TCERG1L: variants seen among roughly 807,000 people sequenced by gnomAD.
The protein encoded by TCERG1L is transcription elongation regulator 1-like protein.
A neutral mutation model predicts 56.3 loss-of-function variants in TCERG1L; 37 were observed. That is an observed-to-expected ratio of 0.66 (90% CI 0.51 to 0.87). TCERG1L has a LOEUF of 0.87. Ranked by LOEUF, TCERG1L falls within the 40% of genes least tolerant of loss-of-function variation. The pLI is 0.00. For missense variants in TCERG1L, 799 were observed against 774.2 expected, an observed-to-expected ratio of 1.03 and a Z score of -0.38; for synonymous variants, 324 against 326.3, an observed-to-expected ratio of 0.99 and a Z score of 0.08.
At chr10:131,238,866 T>C (rs1845942590) in intron 4 of TCERG1L, among the ~76,000 whole-genome samples, 2 of 152,198 alleles carry the variant, frequency 1.3e-5, no homozygotes, top group Non-Finnish European at 2.9e-5. Flanking sequence ...AGGTACACCG[T>C]GCAGAGGGGG....
chr10:131,168,909 G>T (rs1278634902), intron 4 of TCERG1L, among the ~76,000 whole-genome samples: 1 of 152,236 alleles, frequency 6.6e-6, no homozygotes, highest in African/African-American at 2.4e-5. Flanking sequence ...ACGCCCTCAG[G>T]CCTGACAGCT....
chr10:131,195,549 C>T (rs960595230), intron 4 of TCERG1L, among the ~76,000 whole-genome samples: 3 of 152,168 alleles, frequency 2.0e-5, no homozygotes, highest in African/African-American at 2.4e-5. Flanking sequence ...CCCTGTACCC[C>T]GAGAGCTTTC....
chr10:131,119,906 GAA>G (rs939173794), intron 8 of TCERG1L, among the ~76,000 whole-genome samples: 1 of 152,148 alleles, frequency 6.6e-6, no homozygotes. Context: ...ATGGATTTGG[GAA>G]GTTTCCCAGG....
intron 7 of TCERG1L, among the ~76,000 whole-genome samples, chr10:131,137,794 A>G (rs903910549): frequency 6.6e-6 from 1 of 152,240 alleles, no homozygotes; most frequent in Admixed American, 6.5e-5. Context: ...AAAAATATGT[A>G]TAAATTTAAC....
intron 4 of TCERG1L, among the ~76,000 whole-genome samples, chr10:131,234,668 G>A (rs1188775405): frequency 6.6e-6 from 1 of 152,020 alleles, no homozygotes; most frequent in Non-Finnish European, 1.5e-5. Context: ...TCACTAAGCT[G>A]AGGATAATTT....
chr10:131,231,853 TG>T (rs999233529), intron 4 of TCERG1L, among the ~76,000 whole-genome samples: 4 of 152,110 alleles, frequency 2.6e-5, no homozygotes, highest in Non-Finnish European at 4.4e-5. Flanking sequence ...TCTCCACATG[TG>T]GGAGTCTGGT....
chr10:131,126,190 GC>G (rs1443884762), intron 8 of TCERG1L, among the ~76,000 whole-genome samples: 4 of 152,334 alleles, frequency 2.6e-5, no homozygotes, highest in Middle Eastern at 3.4e-3. Flanking sequence ...CCCTACCGTG[GC>G]TGGACAGCTC....
intron 4 of TCERG1L, among the ~76,000 whole-genome samples, chr10:131,208,350 T>C (rs1845568324): frequency 6.6e-6 from 1 of 152,206 alleles, no homozygotes; most frequent in Non-Finnish European, 1.5e-5. Flanking sequence ...AGGGGGCCTG[T>C]GAGCCTGGCT....
intron 4 of TCERG1L, among the ~76,000 whole-genome samples, chr10:131,225,281 A>G (rs72841335): frequency 6.6e-6 from 1 of 152,318 alleles, no homozygotes; most frequent in Non-Finnish European, 1.5e-5. Context: ...TCCAATTGCT[A>G]AGTCCAGAGA....
At chr10:131,198,917 C>T (rs866491616) in intron 4 of TCERG1L, among the ~76,000 whole-genome samples, 1 of 152,244 alleles carries the variant, frequency 6.6e-6, no homozygotes, top group African/African-American at 2.4e-5. Flanking sequence ...ACAGCTGGTA[C>T]CTTCTGGGGC....
chr10:131,311,565 G>C lies in TCERG1L; in HGVS notation c.71C>G (p.Pro24Arg). 8.6e-7 allele frequency: 1 copy of C among 1,165,382 alleles called. No homozygotes were observed. Among genetic ancestry groups the C allele is most frequent in the African/African-American group, 1.6e-5 (1 of 61,446 alleles). The allele number at this position is 1,165,382 out of a possible 1,614,324, so 72.2% of individuals were successfully genotyped here. The change falls in exon 1 of 12, where the codon CCT becomes CGT. Residue 24 changes from proline (P) to arginine (R), a missense_variant. Physicochemically the swap from Pro to Arg is moderately radical, Grantham distance 103. Coordinates refer to ENST00000368642, the MANE Select transcript of TCERG1L (RefSeq NM_174937.4). This position sits in a 1 kb window ranked among gnomAD's most constrained non-coding sequence, Gnocchi z 4.0. The part of the protein sequence containing the change: ...LQQQQPRRRQ[P>R]LLWPMDAEPP... The stretch of plus-strand genomic sequence containing the variant: ...CTCTGCGTCCATCGGCCAGAGGAGA[G>C]GCTGCCGCCGCCGGGGCTGCTGCTG...
At chr10:131,296,767 T>A (rs921007530) in intron 3 of TCERG1L, among the ~76,000 whole-genome samples, 2 of 152,254 alleles carry the variant, frequency 1.3e-5, no homozygotes, top group Admixed American at 1.3e-4. Flanking sequence ...ATTAATGTCT[T>A]ATTTGATTTC....
chr10:131,232,539 T>C (rs1845863904), intron 4 of TCERG1L, among the ~76,000 whole-genome samples: 1 of 152,234 alleles, frequency 6.6e-6, no homozygotes, highest in Admixed American at 6.5e-5. Context: ...CATAGCCAAT[T>C]TGTGTTCACA....
At chr10:131,179,124 C>T (rs575494845) in intron 4 of TCERG1L, among the ~76,000 whole-genome samples, 4 of 152,338 alleles carry the variant, frequency 2.6e-5, no homozygotes, top group East Asian at 1.9e-4. Flanking sequence ...GCTCTCTCCA[C>T]GGGCTGCAGA....
chr10:131,175,333 G>A (rs866305520), intron 4 of TCERG1L, among the ~76,000 whole-genome samples: 1 of 152,222 alleles, frequency 6.6e-6, no homozygotes, highest in African/African-American at 2.4e-5. Flanking sequence ...CACCCGGTGC[G>A]GCACGCTTGC....
intron 3 of TCERG1L, among the ~76,000 whole-genome samples, chr10:131,276,608 C>G (rs1418035745): frequency 6.6e-6 from 1 of 152,228 alleles, no homozygotes; most frequent in African/African-American, 2.4e-5. Flanking sequence ...GCGATGCAAT[C>G]AGCCAGCTGA....
At chr10:131,274,157 T>C (rs904167739) in intron 3 of TCERG1L, among the ~76,000 whole-genome samples, 3 of 152,180 alleles carry the variant, frequency 2.0e-5, no homozygotes, top group East Asian at 1.9e-4. Flanking sequence ...ATTGATCCCA[T>C]AGACATGGGA....
intron 4 of TCERG1L, among the ~76,000 whole-genome samples, chr10:131,253,381 GC>G (rs111416254): frequency 0.058 from 8,783 of 152,100 alleles, 439 homozygotes; most frequent in African/African-American, 0.13. Context: ...CTTCGACCCT[GC>G]CCCCCAGCTT....
At chr10:131,106,373 G>A (rs1845351777) in intron 9 of TCERG1L, among the ~76,000 whole-genome samples, 1 of 152,206 alleles carries the variant, frequency 6.6e-6, no homozygotes, top group Admixed American at 6.5e-5. Context: ...AGCAGCCTAG[G>A]GAGGCGGCTT....
Sources: allele counts gnomAD v4.1 joint callset (sites outside exome capture counted in the v4.1 genomes callset), GRCh38; gene constraint gnomAD v4.1.1; non-coding constraint Gnocchi (gnomAD v3.1); transcripts MANE v1.5; gene names NCBI Gene and HGNC (gene_info 2026-07-23, HGNC 2026-07-21).